The following RPTOR variants were observed in gnomAD, a reference collection of about 807,000 sequenced individuals.
RPTOR encodes the protein regulatory-associated protein of mTOR.
In RPTOR, 21 loss-of-function variants were observed where a neutral mutation model predicts 169.9. The observed-to-expected ratio is 0.12, with a 90% CI of 0.09 to 0.18. RPTOR has a LOEUF of 0.18. Among genes scored for constraint, RPTOR ranks in the 10% least tolerant of loss-of-function variants. RPTOR has a pLI of 1.00. For missense variants in RPTOR, 1,133 were observed against 1,855.9 expected (o/e 0.61, Z 7.16); for synonymous variants, 732 against 753.2 (o/e 0.97, Z 0.46).
intron 9 of RPTOR, among the ~76,000 whole-genome samples, chr17:80,831,836 A>ACTGTGTATCC (rs1295394876): frequency 1.0e-4 from 8 of 76,318 alleles, no homozygotes; most frequent in Middle Eastern, 4.8e-3. Context: ...CCTGTGTGTC[A>ACTGTGTATCC]CTGTGTATCC....
rs1303308838 is a variant in RPTOR at position 80,844,737 on chromosome 17, C to A, written c.1213-1736C>A. ...CTCTGTGGAGGCTGCCGAGAGCGCT[C>A]CTGGACTTGGGCGCACGGAGGCACC... On this transcript the variant is annotated intron_variant, in intron 10 of 33. Transcript: ENST00000306801. This position sits in a 1 kb window ranked among gnomAD's most constrained non-coding sequence, Gnocchi z 4.7. Among the ~76,000 whole-genome samples the A allele has an allele frequency of 6.6e-6, 1 of 152,224 alleles. No homozygotes were observed. The highest frequency in any genetic ancestry group is 1.5e-5 in the Non-Finnish European group (1 of 68,038).
At chr17:80,862,628 CCCT>C (rs1182539358) in intron 13 of RPTOR, among the ~76,000 whole-genome samples, 6 of 144,458 alleles carry the variant, frequency 4.2e-5, no homozygotes, top group South Asian at 4.2e-4. Context: ...CTGCTCCGCC[CCCT>C]CCTCGTGTTG....
intron 13 of RPTOR, among the ~76,000 whole-genome samples, chr17:80,865,050 G>A (rs1040365775): frequency 2.0e-5 from 3 of 152,232 alleles, no homozygotes; most frequent in Non-Finnish European, 4.4e-5. Flanking sequence ...AAGATGGGGA[G>A]GAGAGAGAAT....
chr17:80,689,757 TC>T (rs2065975566), intron 3 of RPTOR, among the ~76,000 whole-genome samples: 1 of 152,224 alleles, frequency 6.6e-6, no homozygotes, highest in African/African-American at 2.4e-5. Context: ...TTTCTTTCCT[TC>T]TTTATGTTCA....
chr17:80,740,463 C>A (rs2066472335), intron 5 of RPTOR, among the ~76,000 whole-genome samples: 2 of 151,368 alleles, frequency 1.3e-5, no homozygotes, highest in Admixed American at 6.6e-5. Flanking sequence ...ACACACCGTT[C>A]AAAAAAAATA....
chr17:80,865,655 C>G (rs894577690), intron 13 of RPTOR, among the ~76,000 whole-genome samples: 1 of 152,076 alleles, frequency 6.6e-6, no homozygotes, highest in African/African-American at 2.4e-5. Flanking sequence ...CAAAATACAT[C>G]CAACAAAACT....
intron 28 of RPTOR, 71 bp downstream of exon 28, chr17:80,949,618 G>A: frequency 7.8e-7 from 1 of 1,274,862 alleles, no homozygotes; most frequent in Non-Finnish European, 1.1e-6. Flanking sequence ...GAATTCCAAG[G>A]CCCTTCTGGG....
chr17:80,558,824 C>T (rs556591257), intron 1 of RPTOR, among the ~76,000 whole-genome samples: 5 of 152,302 alleles, frequency 3.3e-5, no homozygotes, highest in East Asian at 3.9e-4. Flanking sequence ...ATGCCCCGCC[C>T]GTCACCCAGG....
At chr17:80,836,398 G>T (rs1180028354) in intron 9 of RPTOR, among the ~76,000 whole-genome samples, 1 of 152,250 alleles carries the variant, frequency 6.6e-6, no homozygotes, top group East Asian at 1.9e-4. Context: ...GTTGGGTACG[G>T]CTGGATGCCA....
intron 24 of RPTOR, among the ~76,000 whole-genome samples, chr17:80,933,737 C>T (rs1192406545): frequency 6.6e-6 from 1 of 152,188 alleles, no homozygotes; most frequent in Non-Finnish European, 1.5e-5. Flanking sequence ...ATTAAGATAC[C>T]ATGGCATTGG....
intron 2 of RPTOR, among the ~76,000 whole-genome samples, chr17:80,631,197 T>G (rs2065439138): frequency 6.6e-6 from 1 of 152,054 alleles, no homozygotes. Context: ...CTCCTCCCAC[T>G]CCCCAGGTAC....
chr17:80,917,823 C>G (rs765394675), intron 21 of RPTOR, among the ~76,000 whole-genome samples: 1 of 152,176 alleles, frequency 6.6e-6, no homozygotes, highest in Non-Finnish European at 1.5e-5. Flanking sequence ...CTCCGGGAAT[C>G]GTGAGCTCTA....
At position 80,800,515 on chromosome 17, in the gene RPTOR, C is replaced by CT. The variant is rs1233037138; in HGVS notation, c.890+9007dup. Among the ~76,000 whole-genome samples the CT allele has an allele frequency of 4.6e-5, 7 of 152,184 alleles. 1 individual carries two copies. Among genetic ancestry groups the CT allele is most frequent in the Admixed American group, 4.6e-4 (7 of 15,274 alleles). On this transcript the variant is annotated intron_variant, in intron 7 of 33. Transcript: ENST00000306801. Reference sequence around the variant, plus strand: ...CAGTCTTTAAAACTAGGAGAGGAATCTGTTTTCTAATTAAGCTGCTGTGTC... The same window carrying CT: ...CAGTCTTTAAAACTAGGAGAGGAATCTTGTTTTCTAATTAAGCTGCTGTGTC...
intron 3 of RPTOR, among the ~76,000 whole-genome samples, chr17:80,673,569 G>A (rs1286891026): frequency 1.3e-5 from 2 of 152,230 alleles, no homozygotes; most frequent in African/African-American, 2.4e-5. Flanking sequence ...ATCTCAAAGA[G>A]CGGTTGCCGT....
intron 21 of RPTOR, among the ~76,000 whole-genome samples, chr17:80,916,487 C>T (rs116886105): frequency 0.027 from 4,079 of 152,344 alleles, 76 homozygotes; most frequent in Non-Finnish European, 0.042. Flanking sequence ...CACCACTCTG[C>T]GCCTGGCTTG....
intron 1 of RPTOR, among the ~76,000 whole-genome samples, chr17:80,615,548 A>G (rs1454583913): frequency 6.6e-6 from 1 of 152,180 alleles, no homozygotes; most frequent in Non-Finnish European, 1.5e-5. Context: ...GGGCATCTTA[A>G]TGGACGGCTT....
At chr17:80,875,496 A>G (rs1821887577) in intron 13 of RPTOR, among the ~76,000 whole-genome samples, 1 of 152,272 alleles carries the variant, frequency 6.6e-6, no homozygotes, top group Non-Finnish European at 1.5e-5. Context: ...AAAAAATGTC[A>G]TGTTCATGCT....
Position 80,545,240 on chromosome 17 carries a change from CT to C in RPTOR, c.-388del. ...CCGGCACCAAGAGCGGCCTGCCTGT[CT>C]TCGGAACTGCTGAGGCGGTGGAGGC... On this transcript the variant is annotated 5_prime_UTR_variant, in exon 1 of 34. Transcript: ENST00000306801. 4.2e-6 allele frequency: 1 copy of C among 238,508 alleles called. No homozygotes were observed. The highest frequency in any genetic ancestry group is 8.2e-6 in the Non-Finnish European group (1 of 121,448). The allele number at this position is 238,508 out of a possible 1,614,324, so 14.8% of individuals were successfully genotyped here.
intron 1 of RPTOR, among the ~76,000 whole-genome samples, chr17:80,616,447 C>T (rs1315219967): frequency 6.6e-6 from 1 of 152,038 alleles, no homozygotes; most frequent in South Asian, 2.1e-4. Flanking sequence ...TATGGGTGCA[C>T]ACCACCACGC....
Sources: gnomAD v4.1 joint callset for allele counts (sites outside exome capture counted in the v4.1 genomes callset) on GRCh38, gnomAD v4.1.1 for gene constraint, Gnocchi (gnomAD v3.1) non-coding constraint, MANE v1.5 for transcripts, NCBI Gene and HGNC (gene_info 2026-07-23, HGNC 2026-07-21) for gene names.